Variants in TRIM4 observed in about 807,000 individuals in gnomAD.
The protein encoded by TRIM4 is E3 ubiquitin-protein ligase TRIM4.
Under a neutral mutation model 33.7 loss-of-function variants are expected in TRIM4, and 29 were observed. The observed-to-expected ratio is 0.86, with a 90% CI of 0.64 to 1.17. The LOEUF (loss-of-function observed/expected upper bound fraction) is 1.17, where lower values mean the gene tolerates loss of function less well. TRIM4 is among the 50% of genes most tolerant of loss of function. TRIM4 has a pLI of 0.00. For synonymous variants in TRIM4, 224 were observed against 233.0 expected, an observed-to-expected ratio of 0.96 and a Z score of 0.35; for missense variants, 554 against 593.7, an observed-to-expected ratio of 0.93 and a Z score of 0.69.
At position 99,918,938 on chromosome 7, in the gene TRIM4, T is replaced by C. The variant is rs1269605475; in HGVS notation, c.393+71A>G. ...AATGACAGCCACTTCGTGGCTCTTT[T>C]AGGAGCATTAAGTAAACTTTATCGG... On this transcript the variant is annotated intron_variant, in intron 1 of 5. Transcript: ENST00000349062. The C allele has an allele frequency of 1.3e-5, 19 of 1,487,608 alleles. No homozygotes were observed. In the East Asian group the frequency reaches 1.9e-4, roughly 15 times the overall value. The allele number at this position is 1,487,608 out of a possible 1,614,324, so 92.2% of individuals were successfully genotyped here. A position where few individuals can be genotyped will look rare whatever the true frequency, so the allele number is the denominator to read the frequency against.
chr7:99,897,938 G>A (rs1275867195), intron 5 of TRIM4, among the ~76,000 whole-genome samples: 1 of 152,214 alleles, frequency 6.6e-6, no homozygotes, highest in Non-Finnish European at 1.5e-5. Context: ...GTTGCCCACA[G>A]ATGGGGTGCA....
At chr7:99,898,133 GCAC>G (rs966343614) in intron 5 of TRIM4, among the ~76,000 whole-genome samples, 11 of 152,178 alleles carry the variant, frequency 7.2e-5, no homozygotes, top group Admixed American at 3.3e-4. Context: ...CTTCCCTTCA[GCAC>G]CACCACCACA....
chr7:99,904,164 TAG>T (rs1819241962), intron 3 of TRIM4, among the ~76,000 whole-genome samples: 1 of 152,060 alleles, frequency 6.6e-6, no homozygotes, highest in African/African-American at 2.4e-5. Flanking sequence ...AATGAAACAG[TAG>T]AAAAAAATTA....
intron 5 of TRIM4, among the ~76,000 whole-genome samples, chr7:99,893,310 T>C (rs1818939364): frequency 6.6e-6 from 1 of 151,958 alleles, no homozygotes; most frequent in Admixed American, 6.6e-5. Context: ...GATCTAATTA[T>C]TTCATGCCCC....
chr7:99,908,232 T>A (rs1024600367), intron 3 of TRIM4: 1 of 184,934 alleles, frequency 5.4e-6, no homozygotes, highest in Non-Finnish European at 1.1e-5. Flanking sequence ...TTGATAACAG[T>A]TATGTACTTG....
intron 5 of TRIM4, among the ~76,000 whole-genome samples, chr7:99,895,473 C>CT (rs1359626726): frequency 6.6e-6 from 1 of 152,122 alleles, no homozygotes; most frequent in Non-Finnish European, 1.5e-5. Flanking sequence ...CCAGCTTAGT[C>CT]TATCTTGGAA....
Position 99,908,735 on chromosome 7 carries a change from G to A in TRIM4, c.567C>T (p.Asp189=), listed in dbSNP as rs541353597. The A allele has an allele frequency of 3.3e-5, 53 of 1,614,090 alleles. 2 individuals carry two copies. In the South Asian group the frequency reaches 5.4e-4, roughly 16 times the overall value. The change falls in exon 3 of 6, where the codon GAC becomes GAT. Residue 189 remains aspartate (D), a synonymous_variant. Transcript: ENST00000349062. ...KLHNFLVEEE[D]LFLQRLNKEE... ...CTTTGTTCAATCTCTGAAGAAACAG[G>A]TCCTCTTCTTCAACCAGGAAGTTGT...
At chr7:99,902,413 A>G (rs1402258834) in intron 5 of TRIM4, among the ~76,000 whole-genome samples, 1 of 152,044 alleles carries the variant, frequency 6.6e-6, no homozygotes, top group Non-Finnish European at 1.5e-5. Context: ...ATGCTCAGCT[A>G]ATTTTTGTAT....
chr7:99,912,685 A>G (rs778674105), intron 1 of TRIM4, among the ~76,000 whole-genome samples: 6 of 152,252 alleles, frequency 3.9e-5, no homozygotes, highest in Non-Finnish European at 8.8e-5. Flanking sequence ...CTATGTGATA[A>G]AAGAGTCAAA....
intron 5 of TRIM4, chr7:99,902,103 G>A (rs1302898500): frequency 5.2e-6 from 4 of 765,236 alleles, no homozygotes; most frequent in Non-Finnish European, 9.6e-6. Context: ...TTCACTGCCT[G>A]ACGTCTGGTG....
intron 1 of TRIM4, chr7:99,917,655 G>T (rs1160927719): frequency 1.2e-5 from 3 of 252,310 alleles, no homozygotes; most frequent in Non-Finnish European, 1.9e-5. Context: ...GGAGGTGGAG[G>T]TTGCAGTGAG....
chr7:99,913,713 A>T (rs539215762), intron 1 of TRIM4, among the ~76,000 whole-genome samples: 14 of 152,114 alleles, frequency 9.2e-5, no homozygotes, highest in African/African-American at 3.1e-4. Context: ...TAATTTTTTT[A>T]AAAATCACTT....
At chr7:99,913,326 C>T (rs1048938481) in intron 1 of TRIM4, among the ~76,000 whole-genome samples, 2 of 152,074 alleles carry the variant, frequency 1.3e-5, no homozygotes, top group African/African-American at 4.8e-5. Flanking sequence ...GTGGCAGGAG[C>T]GCAACACCAA....
At chr7:99,912,771 T>G (rs745912918) in intron 1 of TRIM4, among the ~76,000 whole-genome samples, 4 of 152,166 alleles carry the variant, frequency 2.6e-5, no homozygotes, top group Non-Finnish European at 5.9e-5. Flanking sequence ...ATGCTTGAAA[T>G]TTTCATGGTA....
intron 2 of TRIM4, among the ~76,000 whole-genome samples, 174 bp from the exon 3 acceptor site, chr7:99,908,986 T>C (rs556375779): frequency 6.6e-6 from 1 of 152,232 alleles, no homozygotes; most frequent in Non-Finnish European, 1.5e-5. Flanking sequence ...TTGATAGCTC[T>C]GTCTAGTCAT....
intron 5 of TRIM4, chr7:99,902,252 T>G: frequency 1.4e-6 from 1 of 713,128 alleles, no homozygotes; most frequent in Non-Finnish European, 2.6e-6. Flanking sequence ...TCTTTTTAGT[T>G]TGTTTGTTTT....
At chr7:99,906,277 C>T (rs564032232) in intron 3 of TRIM4, among the ~76,000 whole-genome samples, 99 of 152,170 alleles carry the variant, frequency 6.5e-4, no homozygotes, top group Non-Finnish European at 1.1e-3. Context: ...ATTTTTTTGA[C>T]TTGGATAGTA....
At position 99,892,486 on chromosome 7, in the gene TRIM4, C is replaced by G; in HGVS notation, c.1102G>C (p.Val368Leu). 1 of 1,614,200 alleles carries G rather than the reference C, an allele frequency of 6.2e-7. No individual in the cohort carries two copies. The highest frequency in any genetic ancestry group is 8.5e-7 in the Non-Finnish European group (1 of 1,180,028). The change falls in exon 6 of 6, where the codon GTT becomes CTT. Residue 368 changes from valine (V) to leucine (L), a missense_variant. Val to Leu is a conservative substitution (Grantham distance 32). Transcript: ENST00000349062. ...VESRDSLEVA[V>L]GVCREDVMGI... ...ATGACGTCCTCCCGACACACCCCAACAGCAACCTCCAGACTATCTCTACTC... is the reference window on the plus strand; with the variant it reads ...ATGACGTCCTCCCGACACACCCCAAGAGCAACCTCCAGACTATCTCTACTC...
Position 99,892,249 on chromosome 7 carries a change from A to T in TRIM4, c.1339T>A (p.Cys447Ser). 6.2e-7 allele frequency: 1 copy of T among 1,614,186 alleles called. No individual in the cohort carries two copies. The highest frequency in any genetic ancestry group is 1.1e-5 in the South Asian group (1 of 91,082). ...VDGVHLHTFS[C>S]SSVSRLRPFF... Reference sequence around the variant, plus strand: ...GGCCGGAGGCGTGAGACAGAAGAACAAGAAAAGGTGTGCAGGTGCACTCCG... The same window carrying T: ...GGCCGGAGGCGTGAGACAGAAGAACTAGAAAAGGTGTGCAGGTGCACTCCG... Residue 447 changes from cysteine (C) to serine (S), a missense_variant, in exon 6 of 6, where the codon TGT becomes AGT. Coordinates refer to ENST00000349062, the MANE Select transcript of TRIM4 (RefSeq NM_033091.3).
Sources: gnomAD v4.1 joint callset for allele counts (sites outside exome capture counted in the v4.1 genomes callset) on GRCh38, gnomAD v4.1.1 for gene constraint, MANE v1.5 for transcripts, NCBI Gene and HGNC (gene_info 2026-07-23, HGNC 2026-07-21) for gene names.